Variants in GSE1 observed in about 807,000 individuals in gnomAD.
GSE1 encodes the protein genetic suppressor element 1.
Under a neutral mutation model 112.6 loss-of-function variants are expected in GSE1, and 32 were observed. The ratio of observed to expected loss-of-function variants is 0.28; its 90% CI spans 0.21 to 0.38. GSE1 has a LOEUF of 0.38. Among genes scored for constraint, GSE1 ranks in the 10% least tolerant of loss-of-function variants. The pLI, the probability that GSE1 is intolerant of heterozygous loss-of-function variation, is 1.00. For missense variants in GSE1, 2,348 were observed against 1,699.2 expected (o/e 1.38, Z -6.71); for synonymous variants, 1,115 against 735.6 (o/e 1.52, Z -8.35).
rs1194931843 is a variant in GSE1 at position 85,672,446 on chromosome 16, G to A, written c.3561G>A (p.Glu1187=). ...AACAGAAGATGGTCTCAGAAAGGGAGCGGCTCCAGGCAGAACTGGACCACT... is the reference window on the plus strand; with the variant it reads ...AACAGAAGATGGTCTCAGAAAGGGAACGGCTCCAGGCAGAACTGGACCACT... ...SQKQKMVSER[E]RLQAELDHLR... Residue 1187 remains glutamate, a synonymous_variant, in exon 16 of 16, where the codon GAG becomes GAA. Transcript: ENST00000253458. The A allele has an allele frequency of 6.2e-7, 1 of 1,610,564 alleles. No homozygotes were observed.
chr16:85,299,090 A>G (rs984884718), intron 1 of GSE1, among the ~76,000 whole-genome samples: 6 of 152,226 alleles, frequency 3.9e-5, no homozygotes, highest in African/African-American at 1.4e-4. Context: ...CTGGTCAGTG[A>G]ATATGTGCAG....
intron 1 of GSE1, among the ~76,000 whole-genome samples, chr16:85,253,924 A>C (rs1417444544): frequency 1.3e-5 from 2 of 151,656 alleles, no homozygotes; most frequent in Non-Finnish European, 2.9e-5. Context: ...GGCGGCACAG[A>C]CTGGGTGCTG....
intron 8 of GSE1, among the ~76,000 whole-genome samples, 174 bp downstream of exon 8, chr16:85,657,778 A>G (rs747572037): frequency 6.6e-6 from 1 of 152,180 alleles, no homozygotes; most frequent in Non-Finnish European, 1.5e-5. Flanking sequence ...GGGGAAGCTG[A>G]GACTGAGGAA....
chr16:85,258,523 A>G (rs10163460), intron 1 of GSE1, among the ~76,000 whole-genome samples: 1 of 152,044 alleles, frequency 6.6e-6, no homozygotes, highest in South Asian at 2.1e-4. Context: ...CCCCGTGGCC[A>G]CTGCTCCTGC....
intron 1 of GSE1, among the ~76,000 whole-genome samples, chr16:85,349,904 C>A (rs945990583): frequency 2.6e-5 from 4 of 152,176 alleles, no homozygotes; most frequent in African/African-American, 9.7e-5. Flanking sequence ...GGCCGCTAGG[C>A]GTGGGGGTGC....
intron 1 of GSE1, among the ~76,000 whole-genome samples, chr16:85,180,075 C>G (rs189394384): frequency 6.6e-6 from 1 of 152,252 alleles, no homozygotes; most frequent in Non-Finnish European, 1.5e-5. Context: ...GCTCTGTGAG[C>G]CCATGGCTCT....
chr16:85,637,094 C>G (rs990121524), intron 2 of GSE1, among the ~76,000 whole-genome samples: 1 of 152,246 alleles, frequency 6.6e-6, no homozygotes, highest in South Asian at 2.1e-4. Flanking sequence ...TGGTGATTTT[C>G]CTACACAGTT....
chr16:85,263,213 T>A (rs758459298), intron 1 of GSE1, among the ~76,000 whole-genome samples: 49 of 152,110 alleles, frequency 3.2e-4, no homozygotes, highest in Non-Finnish European at 2.2e-4. Context: ...ATCATCATCA[T>A]CATGATGTTA....
chr16:85,533,855 A>C (rs955306291), intron 2 of GSE1, among the ~76,000 whole-genome samples: 2 of 152,078 alleles, frequency 1.3e-5, no homozygotes, highest in Non-Finnish European at 2.9e-5. Flanking sequence ...ACAGAGGGAG[A>C]CCCTGTCTTA....
intron 1 of GSE1, among the ~76,000 whole-genome samples, chr16:85,175,561 C>T (rs111646544): frequency 1.3e-5 from 2 of 152,218 alleles, no homozygotes; most frequent in African/African-American, 4.8e-5. Flanking sequence ...CGTTGACGCC[C>T]CCTTCCCCCC....
intron 1 of GSE1, among the ~76,000 whole-genome samples, chr16:85,230,560 C>T (rs1349822354): frequency 1.3e-5 from 2 of 152,278 alleles, no homozygotes; most frequent in Non-Finnish European, 2.9e-5. Flanking sequence ...CCTTTTGCTG[C>T]GGGGGTTCAT....
At chr16:85,416,952 T>A (rs1310824259) in intron 2 of GSE1, among the ~76,000 whole-genome samples, 1 of 152,090 alleles carries the variant, frequency 6.6e-6, no homozygotes, top group African/African-American at 2.4e-5. Context: ...CCTCCCAGGC[T>A]CAAGTCATCC....
At chr16:85,342,750 C>G (rs968063346) in intron 1 of GSE1, among the ~76,000 whole-genome samples, 5 of 152,084 alleles carry the variant, frequency 3.3e-5, no homozygotes, top group Admixed American at 6.5e-5. Context: ...AGCCACTGGC[C>G]TCCCCAGCCC....
At chr16:85,640,721 C>G (rs991906031) in intron 2 of GSE1, among the ~76,000 whole-genome samples, 1 of 152,252 alleles carries the variant, frequency 6.6e-6, no homozygotes, top group Non-Finnish European at 1.5e-5. Context: ...CCTCGGAAAT[C>G]TGCCTCTCAA....
At chr16:85,226,621 C>T (rs2143798342) in intron 1 of GSE1, among the ~76,000 whole-genome samples, 1 of 152,210 alleles carries the variant, frequency 6.6e-6, no homozygotes, top group East Asian at 1.9e-4. Context: ...CAGGCTGCTG[C>T]CGGTGCTGTT....
At chr16:85,583,597 ACT>A (rs1030218150) in intron 1 of GSE1, 4 of 151,552 alleles carry the variant, frequency 2.6e-5, no homozygotes, top group Non-Finnish European at 5.9e-5. Context: ...TCGCACGCAA[ACT>A]CACACACGGG....
chr16:85,467,709 A>G (rs1427277423), intron 2 of GSE1, among the ~76,000 whole-genome samples: 1 of 152,170 alleles, frequency 6.6e-6, no homozygotes, highest in Non-Finnish European at 1.5e-5. Flanking sequence ...CATCACTTCT[A>G]TGGTGGTAGC....
At chr16:85,652,869 G>A (rs1482879007) in intron 3 of GSE1, among the ~76,000 whole-genome samples, 1 of 152,062 alleles carries the variant, frequency 6.6e-6, no homozygotes. Context: ...GCATTTCGTG[G>A]CTCAGGGAGG....
At chr16:85,585,740 G>A (rs536543070) in intron 1 of GSE1, among the ~76,000 whole-genome samples, 3 of 152,312 alleles carry the variant, frequency 2.0e-5, no homozygotes, top group East Asian at 3.9e-4. Flanking sequence ...TAGAGCTGAC[G>A]GCGATGACAC....
Sources: allele counts gnomAD v4.1 joint callset (sites outside exome capture counted in the v4.1 genomes callset), GRCh38; gene constraint gnomAD v4.1.1; transcripts MANE v1.5; gene names NCBI Gene and HGNC (gene_info 2026-07-23, HGNC 2026-07-21).